The following PVALB variants were observed in gnomAD, a reference collection of about 807,000 sequenced individuals.
PVALB encodes the protein parvalbumin.
In PVALB, 11 loss-of-function variants were observed where a neutral mutation model predicts 10.9. The observed-to-expected ratio is 1.01, with a 90% confidence interval of 0.63 to 1.67. PVALB has a LOEUF of 1.67. Ranked by LOEUF, PVALB falls within the 40% of genes most tolerant of loss-of-function variation. The probability of loss-of-function intolerance (pLI) is 0.00; values close to 1 mark genes in which losing one functional copy is unlikely to be tolerated. For missense variants in PVALB, 131 were observed against 136.2 expected (o/e 0.96, Z 0.19); for synonymous variants, 57 against 50.7 (o/e 1.12, Z -0.53).
intron 3 of PVALB, among the ~76,000 whole-genome samples, chr22:36,811,946 C>A (rs1360782631): frequency 6.6e-6 from 1 of 152,134 alleles, no homozygotes. Context: ...GCCAGGGGAC[C>A]CCCTGCATTT....
At chr22:36,803,767 C>A (rs552657064) in intron 3 of PVALB, among the ~76,000 whole-genome samples, 2 of 152,162 alleles carry the variant, frequency 1.3e-5, no homozygotes, top group South Asian at 2.1e-4. Flanking sequence ...TAGGGATCAA[C>A]AAGTTCTGAC....
chr22:36,814,077 C>A (rs1939091680), intron 2 of PVALB, among the ~76,000 whole-genome samples: 1 of 152,078 alleles, frequency 6.6e-6, no homozygotes, highest in Non-Finnish European at 1.5e-5. Flanking sequence ...AAAGTGGGGT[C>A]ACAGTGGTGA....
chr22:36,810,810 C>T (rs1375565962), intron 3 of PVALB, among the ~76,000 whole-genome samples: 1 of 152,254 alleles, frequency 6.6e-6, no homozygotes, highest in Non-Finnish European at 1.5e-5. Flanking sequence ...AGTTTCCAGC[C>T]TTGGCTGATG....
At chr22:36,808,477 T>A (rs1245397838) in intron 3 of PVALB, among the ~76,000 whole-genome samples, 1 of 152,192 alleles carries the variant, frequency 6.6e-6, no homozygotes, top group Admixed American at 6.5e-5. Context: ...GGCATGTCAC[T>A]TCTCACGATG....
upstream of PVALB, chr22:36,818,853 C>T (rs546615267): frequency 6.2e-4 from 95 of 152,454 alleles, 2 homozygotes; most frequent in South Asian, 0.019. Context: ...GGGTGATCCT[C>T]CCTGGTGCCT....
At chr22:36,817,872 G>A (rs920381683), upstream of PVALB, among the ~76,000 whole-genome samples, 6 of 151,978 alleles carry the variant, frequency 3.9e-5, no homozygotes, top group East Asian at 1.9e-4. Flanking sequence ...GGGAGAGTCC[G>A]CTTGGAATTG....
At chr22:36,813,478 GT>G in intron 3 of PVALB, 167 bp downstream of exon 3, 1 of 585,766 alleles carries the variant, frequency 1.7e-6, no homozygotes, top group South Asian at 2.4e-5. Context: ...TTTGTCTGGA[GT>G]ATGTGGCAGA....
At chr22:36,815,370 T>A (rs768872474) in intron 1 of PVALB, 135 bp from the exon 2 acceptor site, 4 of 1,253,478 alleles carry the variant, frequency 3.2e-6, no homozygotes, top group East Asian at 4.8e-5. Flanking sequence ...CCCACCTCCA[T>A]TGGAGGGCTG....
chr22:36,800,990 G>C (rs904147167), intron 3 of PVALB, 72 bp from the exon 4 acceptor site: 4 of 1,478,908 alleles, frequency 2.7e-6, no homozygotes, highest in African/African-American at 2.8e-5. Flanking sequence ...ACCTGACTGC[G>C]GGGCCCTGGG....
chr22:36,801,046 C>A (rs745712941), intron 3 of PVALB, 128 bp from the exon 4 acceptor site: 5 of 839,722 alleles, frequency 6.0e-6, no homozygotes, highest in African/African-American at 5.1e-5. Context: ...AGCCCCAGAG[C>A]GTAAGTGTGA....
At chr22:36,808,614 G>A (rs1453368663) in intron 3 of PVALB, among the ~76,000 whole-genome samples, 2 of 152,204 alleles carry the variant, frequency 1.3e-5, no homozygotes, top group East Asian at 3.8e-4. Context: ...TGTAAGAAAT[G>A]CAAAAGTGTG....
chr22:36,804,763 G>A (rs1466279047), intron 3 of PVALB, among the ~76,000 whole-genome samples: 2 of 152,092 alleles, frequency 1.3e-5, no homozygotes, highest in African/African-American at 4.8e-5. Context: ...GTGAAACCTC[G>A]TCTCTACTAA....
chr22:36,812,827 C>A (rs559414542), intron 3 of PVALB, among the ~76,000 whole-genome samples: 54 of 152,358 alleles, frequency 3.5e-4, no homozygotes, highest in African/African-American at 1.2e-3. Flanking sequence ...GCTCTTTCAA[C>A]TAGGCTAAGC....
At chr22:36,811,623 T>A (rs34262500) in intron 3 of PVALB, 195,237 of 447,638 alleles carry the variant, frequency 0.44, 43,813 homozygotes, top group African/African-American at 0.57. Context: ...TTTCTCTTCA[T>A]CAGGTAGGTT....
At chr22:36,818,083 T>C (rs1240015062), upstream of PVALB, among the ~76,000 whole-genome samples, 2 of 152,172 alleles carry the variant, frequency 1.3e-5, no homozygotes, top group East Asian at 1.9e-4. Flanking sequence ...ACCAGCTGCT[T>C]CTAGAGTGTG....
At chr22:36,807,718 C>T (rs1274694905) in intron 3 of PVALB, among the ~76,000 whole-genome samples, 1 of 152,152 alleles carries the variant, frequency 6.6e-6, no homozygotes, top group South Asian at 2.1e-4. Flanking sequence ...TACAGCCATT[C>T]CCACGGCTGA....
intron 3 of PVALB, among the ~76,000 whole-genome samples, chr22:36,812,541 C>T (rs934368333): frequency 7.9e-5 from 12 of 152,204 alleles, no homozygotes; most frequent in African/African-American, 2.9e-4. Context: ...ACATCTAACC[C>T]TTGTAATCAC....
At chr22:36,810,379 G>T (rs951538871) in intron 3 of PVALB, among the ~76,000 whole-genome samples, 2 of 152,088 alleles carry the variant, frequency 1.3e-5, no homozygotes, top group East Asian at 3.9e-4. Context: ...TTCCCATCTC[G>T]CTGCCTATTG....
At chr22:36,804,944 GAACAAACA>G (rs796769553) in intron 3 of PVALB, among the ~76,000 whole-genome samples, 16 of 151,996 alleles carry the variant, frequency 1.1e-4, no homozygotes, top group Non-Finnish European at 2.2e-4. Context: ...AAAAACAAAC[GAACAAACA>G]AACAAACAAA....
Sources: allele counts gnomAD v4.1 joint callset (sites outside exome capture counted in the v4.1 genomes callset), GRCh38; gene constraint gnomAD v4.1.1; transcripts MANE v1.5; gene names NCBI Gene and HGNC (gene_info 2026-07-23, HGNC 2026-07-21).